Variants in PREX1 observed in about 807,000 individuals in gnomAD.
PREX1 encodes phosphatidylinositol 3,4,5-trisphosphate-dependent Rac exchanger 1 protein.
A neutral mutation model predicts 198.3 loss-of-function variants in PREX1; 41 were observed. The observed-to-expected ratio is 0.21, with a 90% CI of 0.16 to 0.27. The LOEUF (loss-of-function observed/expected upper bound fraction) is 0.27. Among genes scored for constraint, PREX1 ranks in the 10% least tolerant of loss-of-function variants. The pLI is 1.00. For missense variants in PREX1, 1,620 were observed against 2,200.7 expected, an observed-to-expected ratio of 0.74 and a Z score of 5.28; for synonymous variants, 843 against 887.2, an observed-to-expected ratio of 0.95 and a Z score of 0.89.
chr20:48,728,045 C>A (rs59078959), intron 4 of PREX1, among the ~76,000 whole-genome samples: 10,787 of 152,276 alleles, frequency 0.071, 452 homozygotes, highest in Middle Eastern at 0.14. Flanking sequence ...CACCCACCAG[C>A]ACATCCAGCC....
Position 48,816,426 on chromosome 20 carries a change from A to C in PREX1, c.219+11216T>G, listed in dbSNP as rs2123061411. Among the ~76,000 whole-genome samples, 3 of 152,292 alleles carry C rather than the reference A, an allele frequency of 2.0e-5. No individual in the cohort carries two copies. In the South Asian group the frequency reaches 6.2e-4, roughly 32 times the overall value. On this transcript the variant is annotated intron_variant, in intron 1 of 39. Coordinates refer to ENST00000371941, the MANE Select transcript of PREX1 (RefSeq NM_020820.4). ...TTGTGACTGGTAAATGACAGAGGCG[A>C]AGGGATTTTGCAGATATAATCAGGG...
chr20:48,689,346 T>G (rs1323527110), intron 9 of PREX1, among the ~76,000 whole-genome samples: 1 of 152,056 alleles, frequency 6.6e-6, no homozygotes, highest in Non-Finnish European at 1.5e-5. Context: ...GTACGCCACA[T>G]GAGAAACCCG....
At position 48,771,023 on chromosome 20, in the gene PREX1, G is replaced by A. The variant is rs184980912; in HGVS notation, c.220-23143C>T. Among the ~76,000 whole-genome samples, 57 of 152,234 alleles carry A rather than the reference G, an allele frequency of 3.7e-4. 2 individuals carry two copies. The highest frequency in any genetic ancestry group is 1.4e-3 in the African/African-American group (57 of 41,532). Reference sequence around the variant, plus strand: ...GAGTCTTCTGGTTTCAGTATGTACAGTTGCCTTTCATCAGGAAAATTAATA... The same window carrying A: ...GAGTCTTCTGGTTTCAGTATGTACAATTGCCTTTCATCAGGAAAATTAATA... On this transcript the variant is annotated intron_variant, in intron 1 of 39. Coordinates refer to ENST00000371941, the MANE Select transcript of PREX1 (RefSeq NM_020820.4).
chr20:48,688,367 T>C (rs1329161990), intron 10 of PREX1, among the ~76,000 whole-genome samples: 1 of 152,120 alleles, frequency 6.6e-6, no homozygotes, highest in Non-Finnish European at 1.5e-5. Context: ...CAGAGTGGGA[T>C]CAAGCACAGT....
rs1471769505 is a variant in PREX1 at position 48,827,153 on chromosome 20, T to C, written c.219+489A>G. Among the ~76,000 whole-genome samples, 1 of 152,090 alleles carries C rather than the reference T, an allele frequency of 6.6e-6. No individual in the cohort carries two copies. The highest frequency in any genetic ancestry group is 2.4e-5 in the African/African-American group (1 of 41,404). The stretch of plus-strand genomic sequence containing the variant: ...GGATTCTACCCTGGGGTTCTGTCAA[T>C]CCCCGCCCCTCCTCTGAGCTTCAGG... On this transcript the variant is annotated intron_variant, in intron 1 of 39. Transcript: ENST00000371941. This position sits in a 1 kb window ranked among gnomAD's most constrained non-coding sequence, Gnocchi z 4.1.
At chr20:48,773,095 C>T (rs2090244178) in intron 1 of PREX1, among the ~76,000 whole-genome samples, 1 of 151,918 alleles carries the variant, frequency 6.6e-6, no homozygotes. Context: ...GGCAAAACCT[C>T]GTCTCTACTA....
At chr20:48,807,767 G>A (rs114438135) in intron 1 of PREX1, among the ~76,000 whole-genome samples, 2,023 of 152,246 alleles carry the variant, frequency 0.013, 37 homozygotes, top group African/African-American at 0.046. Context: ...TCTTGTGTAC[G>A]TGTGACGACA....
chr20:48,856,001 A>C, the PREX1 span, among the ~76,000 whole-genome samples: 2 of 152,246 alleles, frequency 1.3e-5, no homozygotes, highest in Non-Finnish European at 2.9e-5. Flanking sequence ...GAGAGTGACG[A>C]GGGAGCGGCT....
rs759973764 is a variant in PREX1, at chr20:48,688,789, A to C, written c.1202T>G (p.Met401Arg). The C allele has an allele frequency of 2.5e-6, 4 of 1,614,098 alleles. No homozygotes were observed. The highest frequency in any genetic ancestry group is 3.4e-6 in the Non-Finnish European group (4 of 1,180,008). ...REQRESLKLG[M>R]ERDAYVMIAE... is the part of the protein sequence containing the mutation. ...AATCATGACGTAGGCATCACGCTCC[A>C]TGCCCAGCTTCAGGCCTACACAGGG... The change falls in exon 10 of 40, where the codon ATG becomes AGG. Residue 401 changes from methionine (M) to arginine (R), a missense_variant. By Grantham distance (91) the Met-to-Arg change is moderately conservative (BLOSUM62 -1). Coordinates refer to ENST00000371941, the MANE Select transcript of PREX1 (RefSeq NM_020820.4).
the PREX1 span, among the ~76,000 whole-genome samples, chr20:48,857,853 A>T: frequency 1.3e-5 from 2 of 152,206 alleles, no homozygotes; most frequent in Non-Finnish European, 2.9e-5. Context: ...TTTGCATATG[A>T]GCTGGTCCTG....
At chr20:48,657,599 G>A (rs6019348) in intron 17 of PREX1, among the ~76,000 whole-genome samples, 18,436 of 152,184 alleles carry the variant, frequency 0.12, 1,776 homozygotes, top group African/African-American at 0.26. Flanking sequence ...CAACCTAGCC[G>A]CTCCGGCCAT....
At chr20:48,841,576 A>G in the PREX1 span, among the ~76,000 whole-genome samples, 6 of 152,342 alleles carry the variant, frequency 3.9e-5, no homozygotes, top group South Asian at 1.2e-3. Context: ...GTCCTCACAC[A>G]TGGCCTAACA....
chr20:48,679,897 C>G (rs1384558158), intron 11 of PREX1, 143 bp from the exon 12 acceptor site: 1 of 667,492 alleles, frequency 1.5e-6, no homozygotes, highest in African/African-American at 1.8e-5. Flanking sequence ...TCACTGCTGG[C>G]CAGGCTTTTT....
Position 48,629,458 on chromosome 20 carries a change from C to T in PREX1, c.4757G>A (p.Gly1586Asp). 6.2e-7 allele frequency: 1 copy of T among 1,613,548 alleles called. No homozygotes were observed. The highest frequency in any genetic ancestry group is 8.5e-7 in the Non-Finnish European group (1 of 1,179,816). The change falls in exon 37 of 40, where the codon GGC becomes GAC. Residue 1586 changes from glycine to aspartate, a missense_variant. Physicochemically the swap from Gly to Asp is moderately conservative, Grantham distance 94. Transcript: ENST00000371941. ...GCGGGCAGCAGCTCACCTCTGCATG[C>T]CTGTGCCACACATGACCATCTGGCA... ...GACQMVMCGT[G>D]MQRSTLSVSL...
chr20:48,761,370 C>T (rs1292392437), intron 1 of PREX1, among the ~76,000 whole-genome samples: 1 of 152,216 alleles, frequency 6.6e-6, no homozygotes, highest in Non-Finnish European at 1.5e-5. Flanking sequence ...GTCTAGGTCA[C>T]TGTGGTGTCC....
intron 1 of PREX1, among the ~76,000 whole-genome samples, chr20:48,813,854 G>A (rs1177915987): frequency 6.6e-6 from 1 of 152,174 alleles, no homozygotes; most frequent in Admixed American, 6.5e-5. Flanking sequence ...ACCATACTGG[G>A]TTCCATAAGA....
At position 48,651,000 on chromosome 20, in the gene PREX1, A is replaced by G; in HGVS notation, c.2711T>C (p.Leu904Pro). The G allele has an allele frequency of 1.2e-6, 2 of 1,614,202 alleles. 1 individual carries two copies. Among genetic ancestry groups the G allele is most frequent in the East Asian group, 4.5e-5 (2 of 44,886 alleles). Residue 904 changes from leucine (L) to proline (P), a missense_variant, in exon 23 of 40, where the codon CTC (leucine) becomes CCC (proline). By Grantham distance (98) the Leu-to-Pro change is moderately conservative. Around this residue, in one of 7 missense-constraint regions of PREX1, gnomAD observed 514 missense variants for 611.6 expected, o/e 0.84. Coordinates refer to ENST00000371941, the MANE Select transcript of PREX1 (RefSeq NM_020820.4). ...DSVFVENCRR[L>P]MALSSAIVTM... ...CACGATGGCGCTGCTCAGGGCCATGAGCCGCCTGCAGTTCTCCACGAAGAC... is the reference window on the plus strand; with the variant it reads ...CACGATGGCGCTGCTCAGGGCCATGGGCCGCCTGCAGTTCTCCACGAAGAC...
intron 1 of PREX1, among the ~76,000 whole-genome samples, chr20:48,779,754 G>A (rs911033948): frequency 3.9e-5 from 6 of 152,154 alleles, no homozygotes; most frequent in African/African-American, 1.4e-4. Flanking sequence ...CTCAAAAGGT[G>A]GTGTACAGCA....
chr20:48,735,049 G>A (rs2090051053), intron 3 of PREX1, among the ~76,000 whole-genome samples: 1 of 152,146 alleles, frequency 6.6e-6, no homozygotes, highest in Non-Finnish European at 1.5e-5. Context: ...TTATAGCTGG[G>A]GGCTAGCTCT....
Sources: gnomAD v4.1 joint callset for allele counts (sites outside exome capture counted in the v4.1 genomes callset) on GRCh38, gnomAD v4.1.1 for gene constraint, gnomAD v4.1.1 regional missense constraint, Gnocchi (gnomAD v3.1) non-coding constraint, MANE v1.5 for transcripts, NCBI Gene and HGNC (gene_info 2026-07-23, HGNC 2026-07-21) for gene names.